Variants in MAPK14 observed in about 807,000 individuals in gnomAD.
MAPK14 encodes the protein mitogen-activated protein kinase 14, also known as CSAID-binding protein.
MAPK14 carries 16 observed loss-of-function variants against 49.6 expected under a neutral mutation model. The ratio of observed to expected loss-of-function variants is 0.32; its 90% CI spans 0.22 to 0.49. MAPK14 has a LOEUF of 0.49. MAPK14 is among the 20% of genes least tolerant of loss of function. MAPK14 has a pLI of 0.99. For synonymous variants in MAPK14, 142 were observed against 158.0 expected, an observed-to-expected ratio of 0.90 and a Z score of 0.76; for missense variants, 200 against 441.2, an observed-to-expected ratio of 0.45 and a Z score of 4.90.
the MAPK14 span, among the ~76,000 whole-genome samples, chr6:36,116,265 G>A: frequency 9.9e-5 from 15 of 152,100 alleles, no homozygotes; most frequent in Non-Finnish European, 2.2e-4. Flanking sequence ...TACCATGGCT[G>A]ACTGCTGTCA....
At chr6:36,062,988 T>G (rs1763887152) in intron 3 of MAPK14, among the ~76,000 whole-genome samples, 1 of 152,154 alleles carries the variant, frequency 6.6e-6, no homozygotes, top group Non-Finnish European at 1.5e-5. Flanking sequence ...GTGATACGTG[T>G]ATTTGTCCCT....
At chr6:36,029,886 A>G (rs573714659) in intron 1 of MAPK14, among the ~76,000 whole-genome samples, 26 of 118,886 alleles carry the variant, frequency 2.2e-4, no homozygotes, top group Non-Finnish European at 3.8e-4. Context: ...TTCAGTATAT[A>G]CATATTATAT....
intron 8 of MAPK14, among the ~76,000 whole-genome samples, chr6:36,093,462 G>C (rs1473389523): frequency 1.1e-4 from 17 of 152,150 alleles, no homozygotes; most frequent in Non-Finnish European, 2.9e-5. Flanking sequence ...GCTCACGCCT[G>C]TAATCCCAGC....
chr6:36,107,440 C>G lies in MAPK14; in HGVS notation c.842-15C>G. On this transcript the variant is annotated splice_polypyrimidine_tract_variant and intron_variant, in intron 10 of 11. Coordinates refer to ENST00000229794, the MANE Select transcript of MAPK14 (RefSeq NM_139012.3). The surrounding 1 kb of genome is among the most constrained non-coding windows in gnomAD (Gnocchi z 4.3). ...TGTTAAAAACTCTTTTCCTTCCTGTCTATGGTACTGATAGCTGTCGACTTG... is the reference window on the plus strand; with the variant it reads ...TGTTAAAAACTCTTTTCCTTCCTGTGTATGGTACTGATAGCTGTCGACTTG... 1 of 1,505,824 alleles carries G rather than the reference C, an allele frequency of 6.6e-7. No individual in the cohort carries two copies. The highest frequency in any genetic ancestry group is 8.9e-7 in the Non-Finnish European group (1 of 1,123,932). The allele number at this position is 1,505,824 out of a possible 1,614,324, so 93.3% of individuals were successfully genotyped here.
At position 36,027,857 on chromosome 6, in the gene MAPK14, G is replaced by A; in HGVS notation, c.-301G>A. ...GCTGGAACGGGAGTACTGCGACGCA[G>A]CCCGGAGTCGGCCTTGTAGGGGCGA... On this transcript the variant is annotated 5_prime_UTR_variant, in exon 1 of 12. Transcript: ENST00000229794. The A allele has an allele frequency of 2.5e-6, 1 of 402,962 alleles. No individual in the cohort carries two copies. The highest frequency in any genetic ancestry group is 4.4e-6 in the Non-Finnish European group (1 of 229,248). The allele number at this position is 402,962 out of a possible 1,614,324, so 25.0% of individuals were successfully genotyped here.
intron 10 of MAPK14, among the ~76,000 whole-genome samples, chr6:36,106,588 T>C (rs535678460): frequency 5.9e-5 from 9 of 152,318 alleles, no homozygotes; most frequent in Admixed American, 2.6e-4. Context: ...GATGTCTTCG[T>C]GTTGAAATAT....
At chr6:36,116,254 A>G in the MAPK14 span, among the ~76,000 whole-genome samples, 1 of 152,202 alleles carries the variant, frequency 6.6e-6, no homozygotes, top group Non-Finnish European at 1.5e-5. Flanking sequence ...GACAACTCAG[A>G]TACCATGGCT....
chr6:36,103,222 G>A (rs1218996483), intron 10 of MAPK14, among the ~76,000 whole-genome samples: 2 of 152,188 alleles, frequency 1.3e-5, no homozygotes, highest in Admixed American at 1.3e-4. Flanking sequence ...AAACTTAAAG[G>A]AATGGCTTCC....
chr6:36,119,416 A>G, the MAPK14 span, among the ~76,000 whole-genome samples: 1 of 152,222 alleles, frequency 6.6e-6, no homozygotes, highest in African/African-American at 2.4e-5. Flanking sequence ...TAATTCTAGA[A>G]CTTTCTAGAA....
intron 2 of MAPK14, among the ~76,000 whole-genome samples, chr6:36,056,853 A>G (rs972199413): frequency 1.3e-5 from 2 of 152,234 alleles, no homozygotes; most frequent in African/African-American, 4.8e-5. Context: ...GACCTCAGTT[A>G]CCTTAAGTAG....
intron 3 of MAPK14, among the ~76,000 whole-genome samples, chr6:36,070,130 A>G (rs546902298): frequency 1.4e-3 from 215 of 152,350 alleles, no homozygotes; most frequent in African/African-American, 4.3e-3. Context: ...TGTTAAGATT[A>G]ACTTTGATAG....
intron 1 of MAPK14, among the ~76,000 whole-genome samples, chr6:36,051,932 A>G (rs566370802): frequency 2.6e-5 from 4 of 152,160 alleles, no homozygotes; most frequent in South Asian, 4.2e-4. Flanking sequence ...ATATATTTAT[A>G]TAGGGAATTT....
the MAPK14 span, among the ~76,000 whole-genome samples, chr6:36,120,068 C>T: frequency 2.6e-5 from 4 of 152,148 alleles, no homozygotes; most frequent in Non-Finnish European, 5.9e-5. Context: ...GTTCTAATCC[C>T]GGTTCCACCA....
chr6:36,084,349 T>A (rs982234452), intron 8 of MAPK14, among the ~76,000 whole-genome samples: 7 of 152,196 alleles, frequency 4.6e-5, no homozygotes, highest in African/African-American at 1.7e-4. Context: ...GAGGCTGAGA[T>A]GGATGAATTG....
intron 1 of MAPK14, among the ~76,000 whole-genome samples, chr6:36,046,481 A>G (rs540205312): frequency 6.6e-6 from 1 of 152,344 alleles, no homozygotes; most frequent in African/African-American, 2.4e-5. Context: ...ACCTACTATA[A>G]AAGTTATTAC....
chr6:36,112,578 TAGAAG>T (rs1164502630), downstream of MAPK14, among the ~76,000 whole-genome samples: 2 of 152,334 alleles, frequency 1.3e-5, no homozygotes, highest in Admixed American at 6.5e-5. Flanking sequence ...AACGTGATCA[TAGAAG>T]GAAGTTTTGC....
At chr6:36,111,739 C>G (rs1444772487), downstream of MAPK14, among the ~76,000 whole-genome samples, 1 of 152,004 alleles carries the variant, frequency 6.6e-6, no homozygotes, top group Non-Finnish European at 1.5e-5. Context: ...TGGGGCTCAG[C>G]CTGTGAGGAT....
At chr6:36,041,803 T>A (rs1762970475) in intron 1 of MAPK14, among the ~76,000 whole-genome samples, 1 of 152,224 alleles carries the variant, frequency 6.6e-6, no homozygotes, top group East Asian at 1.9e-4. Flanking sequence ...AGATTTACTG[T>A]AGTGAAGGAA....
intron 3 of MAPK14, among the ~76,000 whole-genome samples, chr6:36,064,270 G>GCCCCCCCCCCCCCCCCCCC: frequency 8.0e-6 from 1 of 124,760 alleles, no homozygotes; most frequent in Non-Finnish European, 1.7e-5. Flanking sequence ...GAGCCACCAT[G>GCCCCCCCCCCCCCCCCCCC]CCCCCCCCCA....
Sources: allele counts gnomAD v4.1 joint callset (sites outside exome capture counted in the v4.1 genomes callset), GRCh38; gene constraint gnomAD v4.1.1; non-coding constraint Gnocchi (gnomAD v3.1); transcripts MANE v1.5; gene names NCBI Gene and HGNC (gene_info 2026-07-23, HGNC 2026-07-21).